Variants in KCNQ1 observed in about 807,000 individuals in gnomAD.
The protein encoded by KCNQ1 is potassium voltage-gated channel subfamily KQT member 1.
Under a neutral mutation model 72.4 loss-of-function variants are expected in KCNQ1, and 49 were observed. The observed-to-expected ratio is 0.68, with a 90% CI of 0.54 to 0.86. KCNQ1 has a LOEUF of 0.86. KCNQ1 is among the 40% of genes least tolerant of loss of function. The probability of loss-of-function intolerance (pLI) is 0.00; values close to 1 mark genes in which losing one functional copy is unlikely to be tolerated. For missense variants in KCNQ1, 790 were observed against 945.1 expected (o/e 0.84, Z 2.15); for synonymous variants, 450 against 412.6 (o/e 1.09, Z -1.10).
At chr11:2,521,288 C>T (rs1285408758) in intron 1 of KCNQ1, among the ~76,000 whole-genome samples, 1 of 152,126 alleles carries the variant, frequency 6.6e-6, no homozygotes. Context: ...CACAGATCCC[C>T]TCTCCCTCGG....
At position 2,762,052 on chromosome 11, in the gene KCNQ1, G is replaced by C. The variant is rs1409316519; in HGVS notation, c.1515-6792G>C. On this transcript the variant is annotated intron_variant, in intron 11 of 15. Transcript: ENST00000155840. The surrounding 1 kb of genome is among the most constrained non-coding windows in gnomAD (Gnocchi z 4.3). ...CTCCCAAGGCCCTAAGTGACAGCCA[G>C]TGGTAGACCCTTCACGGTCAGGCAC... Among the ~76,000 whole-genome samples the C allele has an allele frequency of 6.6e-6, 1 of 152,242 alleles. No homozygotes were observed. Among genetic ancestry groups the C allele is most frequent in the Non-Finnish European group, 1.5e-5 (1 of 68,046 alleles).
At chr11:2,847,649 G>C in intron 15 of KCNQ1, 118 bp from the exon 16 acceptor site, 1 of 930,408 alleles carries the variant, frequency 1.1e-6, no homozygotes. Context: ...CATACAGCAT[G>C]CACTTGCAGA....
rs1589988450 is a variant in KCNQ1, at chr11:2,624,672, T to C, written c.1393+35818T>C. On this transcript the variant is annotated intron_variant, in intron 10 of 15. Coordinates refer to ENST00000155840, the MANE Select transcript of KCNQ1 (RefSeq NM_000218.3). The surrounding 1 kb of genome is among the most constrained non-coding windows in gnomAD (Gnocchi z 4.9). ...TCACAATGCTGTGCAATCATCACTA[T>C]CATCCATCTCCATAACACTTGTCAT... is the stretch of plus-strand genomic sequence containing the variant. 1 of 398,598 alleles carries C rather than the reference T, an allele frequency of 2.5e-6. No individual in the cohort carries two copies. The allele number at this position is 398,598 out of a possible 1,614,324, so 24.7% of individuals were successfully genotyped here.
Position 2,679,067 on chromosome 11 carries a change from C to G in KCNQ1, c.1514+16986C>G, listed in dbSNP as rs1850343097. The G allele has an allele frequency of 5.0e-6, 2 of 398,512 alleles. No homozygotes were observed. Among genetic ancestry groups the G allele is most frequent in the South Asian group, 2.5e-4 (2 of 7,856 alleles). 24.7% of individuals were successfully genotyped at this position (398,512 alleles called of 1,614,324 possible). A position where few individuals can be genotyped will look rare whatever the true frequency, so the allele number is the denominator to read the frequency against. ...CTCCATACCAACCACCAAAAAAACC[C>G]ACTAACACCATAAAGTGTCATAGCT... On this transcript the variant is annotated intron_variant, in intron 11 of 15. Transcript: ENST00000155840. The surrounding 1 kb of genome is among the most constrained non-coding windows in gnomAD (Gnocchi z 4.8).
intron 11 of KCNQ1, among the ~76,000 whole-genome samples, chr11:2,739,966 C>T (rs536370134): frequency 1.1e-4 from 17 of 152,226 alleles, no homozygotes; most frequent in Non-Finnish European, 2.1e-4. Context: ...GTGAGCCATG[C>T]GGCAGTAGCC....
chr11:2,650,932 A>G (rs1004768952), intron 10 of KCNQ1: 43 of 398,404 alleles, frequency 1.1e-4, no homozygotes, highest in Non-Finnish European at 1.6e-4. Context: ...TCTTTTTTAA[A>G]TTATCCTTTT....
rs764098183 is a variant in KCNQ1, at chr11:2,549,009, C to T, written c.477+20991C>T. Among the ~76,000 whole-genome samples, 5 of 152,172 alleles carry T rather than the reference C, an allele frequency of 3.3e-5. No homozygotes were observed. Among genetic ancestry groups the T allele is most frequent in the Non-Finnish European group, 7.4e-5 (5 of 68,024 alleles). ...TTTGGAGGATGTTTGGTGACAGGTG[C>T]TGGGGCCCGGACACGACCTGGTTTC... On this transcript the variant is annotated intron_variant, in intron 2 of 15. Transcript: ENST00000155840. The surrounding 1 kb of genome is among the most constrained non-coding windows in gnomAD (Gnocchi z 6.2).
rs145471896 is a variant in KCNQ1 at position 2,671,575 on chromosome 11, C to T, written c.1514+9494C>T. The T allele has an allele frequency of 2.5e-6, 1 of 398,604 alleles. No individual in the cohort carries two copies. Among genetic ancestry groups the T allele is most frequent in the East Asian group, 3.6e-5 (1 of 28,082 alleles). The allele number at this position is 398,604 out of a possible 1,614,324, so 24.7% of individuals were successfully genotyped here. A position where few individuals can be genotyped will look rare whatever the true frequency, so the allele number is the denominator to read the frequency against. On this transcript the variant is annotated intron_variant, in intron 11 of 15. Transcript: ENST00000155840. This position sits in a 1 kb window ranked among gnomAD's most constrained non-coding sequence, Gnocchi z 4.7. ...TATCTCCTAAGTCTTTGGCACTGAG[C>T]ATTTATACAAGATCAGACTGCACTG...
intron 1 of KCNQ1, among the ~76,000 whole-genome samples, chr11:2,487,948 C>T (rs1282026125): frequency 6.6e-6 from 1 of 152,006 alleles, no homozygotes; most frequent in Non-Finnish European, 1.5e-5. Context: ...TGGCCTTATT[C>T]CTGACCTTAG....
chr11:2,585,940 C>T (rs1416830118), intron 8 of KCNQ1, among the ~76,000 whole-genome samples: 4 of 152,186 alleles, frequency 2.6e-5, no homozygotes, highest in Non-Finnish European at 5.9e-5. Flanking sequence ...CTCTCCAGGA[C>T]CCACCAGAGA....
At chr11:2,569,406 G>A (rs993390103) in intron 2 of KCNQ1, among the ~76,000 whole-genome samples, 2 of 152,244 alleles carry the variant, frequency 1.3e-5, no homozygotes, top group African/African-American at 4.8e-5. Context: ...TTGGGAGCCA[G>A]CGATGGCAGT....
At chr11:2,822,035 G>A (rs1847748730) in intron 15 of KCNQ1, among the ~76,000 whole-genome samples, 1 of 152,234 alleles carries the variant, frequency 6.6e-6, no homozygotes, top group Non-Finnish European at 1.5e-5. Context: ...GGAGGCAGGA[G>A]GGTCAGTCAG....
chr11:2,718,738 A>C (rs567354135), intron 11 of KCNQ1, among the ~76,000 whole-genome samples: 1 of 152,298 alleles, frequency 6.6e-6, no homozygotes, highest in East Asian at 1.9e-4. Context: ...TAAAAGGTTA[A>C]TGTCCACGCT....
chr11:2,537,150 A>G lies in KCNQ1; in HGVS notation c.477+9132A>G, dbSNP rs191061666. ...CATCATATGAATTTGAGGGCAACCC[A>G]GGGGTCTCCAAACCATGGCCCACAG... On this transcript the variant is annotated intron_variant, in intron 2 of 15. Coordinates refer to ENST00000155840, the MANE Select transcript of KCNQ1 (RefSeq NM_000218.3). This position sits in a 1 kb window ranked among gnomAD's most constrained non-coding sequence, Gnocchi z 5.2. Among the ~76,000 whole-genome samples, 1 of 152,030 alleles carries G rather than the reference A, an allele frequency of 6.6e-6. No individual in the cohort carries two copies. Among genetic ancestry groups the G allele is most frequent in the East Asian group, 1.9e-4 (1 of 5,164 alleles).
chr11:2,680,785 T>A, intron 11 of KCNQ1: 1 of 157,964 alleles, frequency 6.3e-6, no homozygotes, highest in African/African-American at 2.5e-5. Flanking sequence ...TTCTTTATCA[T>A]TCCAAGAAAA....
chr11:2,688,252 G>C (rs1233010885), intron 11 of KCNQ1: 2 of 398,640 alleles, frequency 5.0e-6, no homozygotes, highest in Admixed American at 8.8e-5. Flanking sequence ...TGTTTGATCT[G>C]AGAGGGAGGC....
intron 11 of KCNQ1, chr11:2,675,566 G>A (rs1439285969): frequency 1.5e-5 from 6 of 398,524 alleles, no homozygotes; most frequent in African/African-American, 6.2e-5. Context: ...TAAGACATAC[G>A]TAACAGTTTC....
rs1045102915 is a variant in KCNQ1, at chr11:2,621,558, G to A, written c.1393+32704G>A. The A allele has an allele frequency of 1.8e-5, 7 of 398,216 alleles. No homozygotes were observed. The highest frequency in any genetic ancestry group is 3.1e-5 in the Non-Finnish European group (7 of 225,986). The allele number at this position is 398,216 out of a possible 1,614,324, so 24.7% of individuals were successfully genotyped here. ...CAGAAGCTCTTTAGTTTACCACTGT[G>A]ATCTCTTTGCTATTGGTCTGTTCAG... On this transcript the variant is annotated intron_variant, in intron 10 of 15. Coordinates refer to ENST00000155840, the MANE Select transcript of KCNQ1 (RefSeq NM_000218.3). The surrounding 1 kb of genome is among the most constrained non-coding windows in gnomAD (Gnocchi z 5.7).
intron 15 of KCNQ1, among the ~76,000 whole-genome samples, chr11:2,822,688 G>C (rs574927270): frequency 1.3e-5 from 2 of 152,332 alleles, no homozygotes; most frequent in Non-Finnish European, 2.9e-5. Context: ...AGAGGATGGA[G>C]AGGGCTGAAC....
Sources: gnomAD v4.1 joint callset for allele counts (sites outside exome capture counted in the v4.1 genomes callset) on GRCh38, gnomAD v4.1.1 for gene constraint, Gnocchi (gnomAD v3.1) non-coding constraint, MANE v1.5 for transcripts, NCBI Gene and HGNC (gene_info 2026-07-23, HGNC 2026-07-21) for gene names.